Variants in AHI1 observed in about 807,000 individuals in gnomAD.
The protein encoded by AHI1 is jouberin.
In AHI1, 123 loss-of-function variants were observed where a neutral mutation model predicts 149.3. The observed-to-expected ratio is 0.82, with a 90% CI of 0.71 to 0.96. The LOEUF is 0.96. Ranked by LOEUF, AHI1 falls within the 40% of genes least tolerant of loss-of-function variation. The pLI, the probability that AHI1 is intolerant of heterozygous loss-of-function variation, is 0.00. For synonymous variants in AHI1, 475 were observed against 459.8 expected, an observed-to-expected ratio of 1.03 and a Z score of -0.42; for missense variants, 1,439 against 1,422.7, an observed-to-expected ratio of 1.01 and a Z score of -0.18.
chr6:135,344,839 G>A (rs1031861151), intron 24 of AHI1, among the ~76,000 whole-genome samples: 41 of 151,270 alleles, frequency 2.7e-4, no homozygotes, highest in Admixed American at 2.4e-3. Context: ...AATAAAGAAT[G>A]GCTACTCCAC....
intron 20 of AHI1, among the ~76,000 whole-genome samples, chr6:135,426,183 C>T (rs1028691852): frequency 2.0e-5 from 3 of 151,644 alleles, no homozygotes; most frequent in African/African-American, 4.8e-5. Context: ...TTTATCTTTG[C>T]TAATGTCTGC....
chr6:135,458,480 T>C (rs961265349), intron 8 of AHI1, among the ~76,000 whole-genome samples: 1 of 152,186 alleles, frequency 6.6e-6, no homozygotes, highest in Non-Finnish European at 1.5e-5. Flanking sequence ...CTTGTGGTGC[T>C]AGCAGACCAT....
At chr6:135,393,374 T>A (rs1429567275) in intron 23 of AHI1, among the ~76,000 whole-genome samples, 2 of 152,186 alleles carry the variant, frequency 1.3e-5, no homozygotes, top group Admixed American at 6.5e-5. Context: ...CAACCAGATA[T>A]TTACCTTCTA....
At chr6:135,459,006 A>C (rs888302847) in intron 8 of AHI1, among the ~76,000 whole-genome samples, 5 of 152,216 alleles carry the variant, frequency 3.3e-5, no homozygotes, top group Non-Finnish European at 5.9e-5. Flanking sequence ...AGACCAAAAA[A>C]ATTAATAAGA....
At chr6:135,467,085 T>C (rs900528878) in intron 6 of AHI1, among the ~76,000 whole-genome samples, 6 of 152,190 alleles carry the variant, frequency 3.9e-5, no homozygotes, top group Non-Finnish European at 8.8e-5. Context: ...CCCACCTCCA[T>C]TTGTGTTGAC....
chr6:135,347,194 G>T (rs1027503681), intron 24 of AHI1, among the ~76,000 whole-genome samples: 1 of 152,216 alleles, frequency 6.6e-6, no homozygotes, highest in Non-Finnish European at 1.5e-5. Context: ...AGCCTTTCCA[G>T]TGGTGCCTGT....
At chr6:135,438,555 A>G (rs1041769741) in intron 14 of AHI1, 57 bp from the exon 15 acceptor site, 4 of 1,297,098 alleles carry the variant, frequency 3.1e-6, no homozygotes, top group Admixed American at 5.1e-5. Context: ...ATCCAATAAT[A>G]TACAAATATA....
intron 26 of AHI1, among the ~76,000 whole-genome samples, chr6:135,315,895 C>G (rs553053144): frequency 6.6e-6 from 1 of 152,178 alleles, no homozygotes; most frequent in African/African-American, 2.4e-5. Flanking sequence ...TCCCTATCCA[C>G]ACTTACCTGT....
intron 24 of AHI1, among the ~76,000 whole-genome samples, chr6:135,332,092 C>T (rs770679964): frequency 2.4e-4 from 33 of 140,122 alleles, no homozygotes; most frequent in South Asian, 2.3e-4. Context: ...TTTTTTCAGA[C>T]GGAGTCTCAC....
At chr6:135,439,170 T>C (rs1176722754) in intron 14 of AHI1, among the ~76,000 whole-genome samples, 1 of 152,242 alleles carries the variant, frequency 6.6e-6, no homozygotes, top group Non-Finnish European at 1.5e-5. Context: ...TCCCCCCTTA[T>C]GTGCAGTTTC....
chr6:135,431,374 T>C (rs908252478), intron 16 of AHI1, 60 bp from the exon 17 acceptor site: 33 of 1,046,716 alleles, frequency 3.2e-5, no homozygotes, highest in Non-Finnish European at 3.9e-5. Context: ...AAACAAATAA[T>C]AGGAAATCGG....
chr6:135,423,920 TC>T (rs1783578821), intron 20 of AHI1, among the ~76,000 whole-genome samples: 1 of 151,352 alleles, frequency 6.6e-6, no homozygotes, highest in East Asian at 1.9e-4. Flanking sequence ...TAGACTTGAC[TC>T]CACTGACTTG....
At chr6:135,488,608 T>C (rs1583495707) in intron 5 of AHI1, among the ~76,000 whole-genome samples, 1 of 152,234 alleles carries the variant, frequency 6.6e-6, no homozygotes, top group Non-Finnish European at 1.5e-5. Context: ...TCTTGCATGA[T>C]TAACATGAGA....
rs757347324 is a variant in AHI1 at position 135,455,950 on chromosome 6, T to C, written c.1152-24A>G. 7.4e-6 allele frequency: 10 copies of C among 1,351,476 alleles called. No individual in the cohort carries two copies. In the South Asian group the frequency reaches 2.4e-4, roughly 33 times the overall value. The allele number at this position is 1,351,476 out of a possible 1,614,324, so 83.7% of individuals were successfully genotyped here. Reference sequence around the variant, plus strand: ...CACTGTACAAAAAAAGATACTTCCATTAACACAATTTTCATAATTTTGAGG... The same window carrying C: ...CACTGTACAAAAAAAGATACTTCCACTAACACAATTTTCATAATTTTGAGG... On this transcript the variant is annotated intron_variant, in intron 9 of 28. Coordinates refer to ENST00000265602, the MANE Select transcript of AHI1 (RefSeq NM_001134831.2).
intron 24 of AHI1, among the ~76,000 whole-genome samples, chr6:135,343,659 A>G (rs1374474220): frequency 6.6e-6 from 1 of 151,504 alleles, no homozygotes; most frequent in African/African-American, 2.4e-5. Context: ...ACCAAAAAAC[A>G]AACTAACAAA....
chr6:135,440,294 T>C (rs542406742), intron 14 of AHI1, among the ~76,000 whole-genome samples: 1 of 152,202 alleles, frequency 6.6e-6, no homozygotes, highest in East Asian at 1.9e-4. Context: ...CTAAGGTGCA[T>C]GTCAAAACAA....
intron 26 of AHI1, chr6:135,301,730 A>G: frequency 1.0e-6 from 1 of 985,466 alleles, no homozygotes; most frequent in Non-Finnish European, 1.2e-6. Flanking sequence ...TAGAACAACA[A>G]AAGAACCCAT....
At chr6:135,354,409 T>C (rs1443811169) in intron 24 of AHI1, among the ~76,000 whole-genome samples, 2 of 152,194 alleles carry the variant, frequency 1.3e-5, no homozygotes, top group African/African-American at 4.8e-5. Context: ...TACATGTATA[T>C]TAATTCTGCC....
rs368998614 is a variant in AHI1 at position 135,304,098 on chromosome 6, G to A, written c.3427-3540C>T. 1.8e-3 allele frequency among the ~76,000 whole-genome samples: 271 copies of A among 152,312 alleles called. 2 individuals carry two copies. Among genetic ancestry groups the A allele is most frequent in the African/African-American group, 6.0e-3 (251 of 41,556 alleles). On this transcript the variant is annotated intron_variant, in intron 26 of 28. Transcript: ENST00000265602. ...GTCACTCAGGCTGGAGTGCAGTGGC[G>A]TGATCATAGCTCACTATGGCCTTGA...
Sources: allele counts gnomAD v4.1 joint callset (sites outside exome capture counted in the v4.1 genomes callset), GRCh38; gene constraint gnomAD v4.1.1; transcripts MANE v1.5; gene names NCBI Gene and HGNC (gene_info 2026-07-23, HGNC 2026-07-21).